The following IFT88 variants were observed in gnomAD, a reference collection of about 807,000 sequenced individuals.
The protein encoded by IFT88 is intraflagellar transport protein 88 homolog.
IFT88 carries 74 observed loss-of-function variants against 119.5 expected under a neutral mutation model. The ratio of observed to expected loss-of-function variants is 0.62; its 90% CI spans 0.51 to 0.75. The LOEUF is 0.75. IFT88 is among the 30% of genes least tolerant of loss of function. The pLI, the probability that IFT88 is intolerant of heterozygous loss-of-function variation, is 0.00. For missense variants in IFT88, 961 were observed against 977.7 expected (o/e 0.98, Z 0.23); for synonymous variants, 279 against 316.7 (o/e 0.88, Z 1.26).
intron 16 of IFT88, 99 bp downstream of exon 16, chr13:20,631,201 G>A: frequency 1.3e-6 from 1 of 788,364 alleles, no homozygotes; most frequent in East Asian, 2.5e-5. Context: ...AAGAATATTG[G>A]TGGAGAATGG....
At chr13:20,570,541 A>G (rs2036126230) in intron 1 of IFT88, among the ~76,000 whole-genome samples, 2 of 152,396 alleles carry the variant, frequency 1.3e-5, no homozygotes, top group Non-Finnish European at 1.5e-5. Context: ...AAGTAATGAA[A>G]TATTGATACA....
intron 21 of IFT88, 39 bp downstream of exon 21, chr13:20,653,967 C>T (rs1053829262): frequency 3.1e-6 from 4 of 1,307,522 alleles, no homozygotes; most frequent in Non-Finnish European, 1.1e-6. Context: ...AGATATTTTG[C>T]TTCTTTCCTT....
At chr13:20,629,794 T>C (rs1327913360) in intron 15 of IFT88, among the ~76,000 whole-genome samples, 1 of 152,194 alleles carries the variant, frequency 6.6e-6, no homozygotes, top group Non-Finnish European at 1.5e-5. Context: ...ACATAACTGC[T>C]TTCTAGGAGC....
Position 20,643,565 on chromosome 13 carries a change from G to C in IFT88, c.1793G>C (p.Arg598Pro), listed in dbSNP as rs188470141. The change falls in exon 19 of 26, where the codon CGT (arginine) becomes CCT (proline). Residue 598 changes from arginine (R) to proline (P), a missense_variant. By Grantham distance (103) the Arg-to-Pro change is moderately radical. Transcript: ENST00000351808. ...TCTAAGCTAGGAGAATTATATGATCGTGAAGGAGATAAATCTCAAGCATTT... is the reference window on the plus strand; with the variant it reads ...TCTAAGCTAGGAGAATTATATGATCCTGAAGGAGATAAATCTCAAGCATTT... The part of the protein sequence containing the change: ...VLSKLGELYD[R>P]EGDKSQAFQY... The C allele has an allele frequency of 2.5e-6, 4 of 1,608,478 alleles. No homozygotes were observed. Among genetic ancestry groups the C allele is most frequent in the Non-Finnish European group, 3.4e-6 (4 of 1,175,682 alleles).
intron 1 of IFT88, chr13:20,567,966 T>C (rs1239636203): frequency 1.4e-6 from 1 of 711,382 alleles, no homozygotes; most frequent in Non-Finnish European, 2.6e-6. Context: ...AAGAATTGTC[T>C]TGGGCCACAC....
At chr13:20,597,789 G>C (rs961025877) in intron 9 of IFT88, among the ~76,000 whole-genome samples, 1 of 149,466 alleles carries the variant, frequency 6.7e-6, no homozygotes, top group Admixed American at 6.7e-5. Context: ...TGATAACTTG[G>C]TAAGTACCTG....
chr13:20,682,029 C>T (rs549079041), intron 24 of IFT88, among the ~76,000 whole-genome samples: 2 of 152,220 alleles, frequency 1.3e-5, no homozygotes, highest in Non-Finnish European at 2.9e-5. Context: ...TTATCAAGAA[C>T]ACCTACGAAA....
At chr13:20,588,011 CCTGGCTCTTGTATATTTCATTTTCT>C (rs550232373) in intron 3 of IFT88, among the ~76,000 whole-genome samples, 17 of 133,418 alleles carry the variant, frequency 1.3e-4, no homozygotes, top group African/African-American at 4.8e-4. Context: ...TTTTTTTTTT[CCTGGCTCTTGTATATTTCATTTTCT>C]CTCCTTACTT....
chr13:20,680,955 C>CT (rs2057260355), intron 24 of IFT88, among the ~76,000 whole-genome samples: 2 of 152,310 alleles, frequency 1.3e-5, no homozygotes, highest in African/African-American at 4.8e-5. Flanking sequence ...AGCATCTGGC[C>CT]TTTAGATAGG....
chr13:20,575,100 C>T (rs1311718533), intron 2 of IFT88, among the ~76,000 whole-genome samples: 8 of 151,624 alleles, frequency 5.3e-5, no homozygotes, highest in Non-Finnish European at 1.5e-5. Context: ...ATTCTCACCC[C>T]CTCCCCTGCC....
chr13:20,641,153 A>C (rs1245737773), intron 17 of IFT88, 137 bp from the exon 18 acceptor site: 3 of 593,418 alleles, frequency 5.1e-6, no homozygotes, highest in Non-Finnish European at 8.6e-6. Flanking sequence ...GTATCAAAAA[A>C]CAAAAACCTG....
chr13:20,654,628 C>T (rs578044230), intron 21 of IFT88, among the ~76,000 whole-genome samples: 75 of 152,296 alleles, frequency 4.9e-4, no homozygotes, highest in African/African-American at 1.7e-3. Flanking sequence ...AGTTTGTTCT[C>T]ACCCAGTTTC....
rs769729180 is a variant in IFT88 at position 20,625,859 on chromosome 13, A to T, written c.1299+10A>T. 9.3e-6 allele frequency: 14 copies of T among 1,501,020 alleles called. No individual in the cohort carries two copies. The highest frequency in any genetic ancestry group is 2.3e-5 in the East Asian group (1 of 43,022). The allele number at this position is 1,501,020 out of a possible 1,614,324, so 93.0% of individuals were successfully genotyped here. A position where few individuals can be genotyped will look rare whatever the true frequency, so the allele number is the denominator to read the frequency against. ...AAAAGACTATAACCAAGTAAGTTTT[A>T]AAAAAAATTTTAGATGGAATTCCAT... On this transcript the variant is annotated intron_variant, in intron 15 of 25. Coordinates refer to ENST00000351808, the MANE Select transcript of IFT88 (RefSeq NM_006531.5).
chr13:20,686,002 T>G (rs1487606764), intron 24 of IFT88, among the ~76,000 whole-genome samples: 3 of 152,144 alleles, frequency 2.0e-5, no homozygotes, highest in Non-Finnish European at 2.9e-5. Flanking sequence ...ATAAACCAAA[T>G]GTTCAACTGG....
intron 22 of IFT88, 34 bp from the exon 23 acceptor site, chr13:20,663,464 A>G (rs1169302491): frequency 1.9e-6 from 3 of 1,605,508 alleles, no homozygotes; most frequent in Non-Finnish European, 2.6e-6. Flanking sequence ...TACTGTGCCT[A>G]TATTCTTTCC....
At chr13:20,653,196 T>C (rs1291106218) in intron 20 of IFT88, among the ~76,000 whole-genome samples, 1 of 152,220 alleles carries the variant, frequency 6.6e-6, no homozygotes, top group Non-Finnish European at 1.5e-5. Flanking sequence ...TAAAGCCAGA[T>C]CTATCTGATT....
In IFT88 at chr13:20,608,882, G is replaced by GCT. The variant is rs567389891; in HGVS notation, c.1112+3789_1112+3790dup. On this transcript the variant is annotated intron_variant, in intron 13 of 25. Transcript: ENST00000351808. ...GCTGGATCCAGAGGAAAGGGAAACTGCTCTCTCTCTCTCCTCTGCCTCCAC... is the reference window on the plus strand; with the variant it reads ...GCTGGATCCAGAGGAAAGGGAAACTGCTCTCTCTCTCTCTCCTCTGCCTCCAC... Among the ~76,000 whole-genome samples, 4 of 152,008 alleles carry GCT rather than the reference G, an allele frequency of 2.6e-5. No homozygotes were observed. In the East Asian group the frequency reaches 5.8e-4, roughly 22 times the overall value.
intron 13 of IFT88, among the ~76,000 whole-genome samples, chr13:20,608,952 T>C (rs1282997294): frequency 6.6e-6 from 1 of 152,196 alleles, no homozygotes; most frequent in Non-Finnish European, 1.5e-5. Flanking sequence ...TCATGTTCAG[T>C]ATTTCAAGCT....
At chr13:20,688,764 A>G (rs1485416364) in intron 24 of IFT88, among the ~76,000 whole-genome samples, 1 of 152,108 alleles carries the variant, frequency 6.6e-6, no homozygotes, top group Non-Finnish European at 1.5e-5. Context: ...GTCTTGCTGT[A>G]TCACCCAGGC....
Sources: allele counts gnomAD v4.1 joint callset (sites outside exome capture counted in the v4.1 genomes callset), GRCh38; gene constraint gnomAD v4.1.1; transcripts MANE v1.5; gene names NCBI Gene and HGNC (gene_info 2026-07-23, HGNC 2026-07-21).